CDH8: variants seen among roughly 807,000 people sequenced by gnomAD.
The protein encoded by CDH8 is cadherin-8.
In CDH8, 17 loss-of-function variants were observed where a neutral mutation model predicts 68.1. That is an observed-to-expected ratio of 0.25 (90% CI 0.17 to 0.37). The LOEUF (loss-of-function observed/expected upper bound fraction) is 0.37, where lower values mean the gene tolerates loss of function less well. Ranked by LOEUF, CDH8 falls within the 10% of genes least tolerant of loss-of-function variation. The pLI is 1.00. For missense variants in CDH8, 763 were observed against 999.3 expected (o/e 0.76, Z 3.19); for synonymous variants, 372 against 365.1 (o/e 1.02, Z -0.21).
At chr16:61,747,150 A>C (rs183656483) in intron 8 of CDH8, among the ~76,000 whole-genome samples, 2 of 152,232 alleles carry the variant, frequency 1.3e-5, no homozygotes, top group Admixed American at 6.5e-5. Flanking sequence ...CCATAAAATC[A>C]TCCGTCCATC....
chr16:62,032,813 A>T (rs1902359443), intron 1 of CDH8, among the ~76,000 whole-genome samples: 1 of 152,228 alleles, frequency 6.6e-6, no homozygotes, highest in Admixed American at 6.5e-5. Flanking sequence ...ATGTTGATAA[A>T]GCCGTGAGGT....
chr16:61,997,412 C>T (rs1029671669), intron 2 of CDH8, among the ~76,000 whole-genome samples: 2 of 152,146 alleles, frequency 1.3e-5, no homozygotes, highest in East Asian at 3.9e-4. Flanking sequence ...TTTTCTCTTG[C>T]TCCTACCATA....
In CDH8 at chr16:61,789,407, T is replaced by G. The variant is rs929942228; in HGVS notation, c.1353A>C (p.Ala451=). ...INADDGKITL[A]TPLDRELSVW... is the part of the protein sequence containing the mutation. ...CACTTAATTCTCTGTCAAGTGGTGT[T>G]GCCAGCGTTATCTTCCCATCGTCTG... Residue 451 remains alanine (A), a synonymous_variant, in exon 8 of 12, where the codon GCA becomes GCC. Coordinates refer to ENST00000577390, the MANE Select transcript of CDH8 (RefSeq NM_001796.5). 1.9e-6 allele frequency: 3 copies of G among 1,613,158 alleles called. No homozygotes were observed. The African/African-American group carries it at 4.0e-5, about 22-fold the overall frequency.
chr16:61,668,245 G>A (rs1250819716), intron 10 of CDH8, among the ~76,000 whole-genome samples: 1 of 151,866 alleles, frequency 6.6e-6, no homozygotes, highest in African/African-American at 2.4e-5. Flanking sequence ...ATCATTTTTG[G>A]TATGAGAGAG....
At chr16:62,001,252 C>A (rs1017243532) in intron 2 of CDH8, among the ~76,000 whole-genome samples, 3 of 152,134 alleles carry the variant, frequency 2.0e-5, no homozygotes, top group African/African-American at 7.2e-5. Context: ...TTAATAGGTA[C>A]AGTTAGAGTT....
intron 3 of CDH8, among the ~76,000 whole-genome samples, chr16:61,860,324 C>T (rs1352501447): frequency 6.6e-6 from 1 of 152,070 alleles, no homozygotes; most frequent in East Asian, 1.9e-4. Flanking sequence ...TATTAATTAA[C>T]CCGTTTTAGG....
intron 3 of CDH8, among the ~76,000 whole-genome samples, chr16:61,860,438 A>G (rs1455303292): frequency 1.3e-5 from 2 of 152,212 alleles, no homozygotes; most frequent in Non-Finnish European, 2.9e-5. Flanking sequence ...TTAAAGAAAA[A>G]GAATGAATAA....
intron 3 of CDH8, among the ~76,000 whole-genome samples, chr16:61,878,501 C>G (rs1397168786): frequency 6.6e-6 from 1 of 152,044 alleles, no homozygotes. Context: ...ACTCTCAAGA[C>G]AGTTAGTAAA....
chr16:61,980,185 G>A (rs1965507142), intron 2 of CDH8, among the ~76,000 whole-genome samples: 1 of 152,164 alleles, frequency 6.6e-6, no homozygotes, highest in South Asian at 2.1e-4. Flanking sequence ...TTTCATGTAG[G>A]AAACCAAGGA....
At chr16:62,026,186 A>G (rs1217838940) in intron 1 of CDH8, among the ~76,000 whole-genome samples, 2 of 152,236 alleles carry the variant, frequency 1.3e-5, no homozygotes, top group Non-Finnish European at 1.5e-5. Flanking sequence ...AGCTCTGAAA[A>G]TTACTGAAAA....
intron 8 of CDH8, among the ~76,000 whole-genome samples, chr16:61,728,756 C>T (rs888987173): frequency 6.6e-6 from 1 of 150,976 alleles, no homozygotes; most frequent in African/African-American, 2.4e-5. Flanking sequence ...AATAGCAGTT[C>T]TTGGAAAGTA....
At chr16:61,996,129 T>TTA (rs1379843640) in intron 2 of CDH8, among the ~76,000 whole-genome samples, 1 of 152,208 alleles carries the variant, frequency 6.6e-6, no homozygotes, top group Non-Finnish European at 1.5e-5. Flanking sequence ...GTGGAAATGT[T>TTA]TACTAGTGCC....
At chr16:61,773,845 A>G (rs963648891) in intron 8 of CDH8, among the ~76,000 whole-genome samples, 2 of 152,056 alleles carry the variant, frequency 1.3e-5, no homozygotes, top group African/African-American at 4.8e-5. Flanking sequence ...TCCTTGTCCT[A>G]TAGAGGCTCT....
At chr16:61,768,736 A>T (rs985207768) in intron 8 of CDH8, among the ~76,000 whole-genome samples, 6 of 151,760 alleles carry the variant, frequency 4.0e-5, no homozygotes, top group Non-Finnish European at 5.9e-5. Context: ...AATTATAAGC[A>T]TTACTTCTTT....
chr16:61,992,284 C>G (rs1965738938), intron 2 of CDH8, among the ~76,000 whole-genome samples: 1 of 151,484 alleles, frequency 6.6e-6, no homozygotes, highest in Non-Finnish European at 1.5e-5. Flanking sequence ...AGTTCATGTC[C>G]TTTGTAGGGA....
At chr16:61,980,581 T>A (rs2150582321) in intron 2 of CDH8, among the ~76,000 whole-genome samples, 1 of 152,274 alleles carries the variant, frequency 6.6e-6, no homozygotes, top group South Asian at 2.1e-4. Flanking sequence ...TTATGATGAA[T>A]CCCGTTTTTT....
intron 2 of CDH8, among the ~76,000 whole-genome samples, chr16:61,924,662 A>C (rs979430936): frequency 1.3e-5 from 2 of 151,890 alleles, no homozygotes; most frequent in Admixed American, 1.3e-4. Context: ...AATCAGAAGA[A>C]ATGAATATTA....
At chr16:61,884,482 T>A (rs961663955) in intron 3 of CDH8, among the ~76,000 whole-genome samples, 3 of 151,680 alleles carry the variant, frequency 2.0e-5, no homozygotes, top group African/African-American at 7.3e-5. Context: ...CAAGTGATTC[T>A]CCTGCCTCAG....
intron 10 of CDH8, among the ~76,000 whole-genome samples, chr16:61,665,179 C>G (rs549754732): frequency 1.3e-5 from 2 of 151,772 alleles, no homozygotes; most frequent in African/African-American, 2.4e-5. Flanking sequence ...AGCTGTTTCT[C>G]TCTGTGGGCA....
Sources: allele counts gnomAD v4.1 joint callset (sites outside exome capture counted in the v4.1 genomes callset), GRCh38; gene constraint gnomAD v4.1.1; transcripts MANE v1.5; gene names NCBI Gene and HGNC (gene_info 2026-07-23, HGNC 2026-07-21).